FAM81A: variants seen among roughly 807,000 people sequenced by gnomAD.
FAM81A encodes protein FAM81A.
FAM81A carries 19 observed loss-of-function variants against 46.7 expected under a neutral mutation model. The observed-to-expected ratio is 0.41, with a 90% CI of 0.28 to 0.60. The LOEUF (loss-of-function observed/expected upper bound fraction) is 0.60. Among genes scored for constraint, FAM81A ranks in the 20% least tolerant of loss-of-function variants. The pLI is 0.34. For synonymous variants in FAM81A, 183 were observed against 152.9 expected (o/e 1.20, Z -1.45); for missense variants, 377 against 453.5 (o/e 0.83, Z 1.53).
chr15:59,469,969 T>G (rs2081664107), intron 3 of FAM81A, among the ~76,000 whole-genome samples: 1 of 152,190 alleles, frequency 6.6e-6, no homozygotes, highest in African/African-American at 2.4e-5. Context: ...TCTCCTTCCC[T>G]TATGAAGCTG....
intron 3 of FAM81A, among the ~76,000 whole-genome samples, chr15:59,467,519 T>C (rs2081629312): frequency 6.6e-6 from 1 of 152,200 alleles, no homozygotes; most frequent in African/African-American, 2.4e-5. Flanking sequence ...TGTCTGTTAA[T>C]GGTGTATAGG....
rs2081542984 is a variant in FAM81A, at chr15:59,460,846, A to G, written c.294+640A>G. 6.6e-6 allele frequency among the ~76,000 whole-genome samples: 1 copy of G among 152,228 alleles called. No individual in the cohort carries two copies. The highest frequency in any genetic ancestry group is 1.5e-5 in the Non-Finnish European group (1 of 68,038). On this transcript the variant is annotated intron_variant, in intron 3 of 8. Transcript: ENST00000288228. The surrounding 1 kb of genome is among the most constrained non-coding windows in gnomAD (Gnocchi z 4.4). ...GTTTCCCTCACTACGCAATGTTCAT[A>G]TCTTTCACATGTAATGACTGAATAT...
chr15:59,472,902 A>G (rs1010034814), intron 3 of FAM81A, among the ~76,000 whole-genome samples: 2 of 152,216 alleles, frequency 1.3e-5, no homozygotes, highest in African/African-American at 4.8e-5. Context: ...ATCTATATTA[A>G]GAATGATCTT....
upstream of FAM81A, among the ~76,000 whole-genome samples, chr15:59,436,566 T>A (rs1434231847): frequency 6.6e-6 from 1 of 152,168 alleles, no homozygotes; most frequent in Non-Finnish European, 1.5e-5. Flanking sequence ...TCTAGACTCT[T>A]GGTGATGGAC....
At chr15:59,435,898 A>G (rs1336321930), upstream of FAM81A, among the ~76,000 whole-genome samples, 2 of 152,222 alleles carry the variant, frequency 1.3e-5, no homozygotes, top group Admixed American at 1.3e-4. Context: ...AATTTAGCCT[A>G]CAAAAATAGG....
At chr15:59,495,629 T>G (rs2082025298) in intron 4 of FAM81A, among the ~76,000 whole-genome samples, 1 of 152,228 alleles carries the variant, frequency 6.6e-6, no homozygotes, top group Non-Finnish European at 1.5e-5. Context: ...CACTTTACAT[T>G]GCCCCCAGCA....
At chr15:59,473,324 G>A (rs774400841) in intron 3 of FAM81A, among the ~76,000 whole-genome samples, 2 of 152,044 alleles carry the variant, frequency 1.3e-5, no homozygotes, top group Non-Finnish European at 2.9e-5. Flanking sequence ...ACCCGGCCTG[G>A]GTGGGACGTG....
intron 2 of FAM81A, among the ~76,000 whole-genome samples, chr15:59,405,290 A>G (rs1445198311): frequency 1.3e-5 from 2 of 152,168 alleles, no homozygotes; most frequent in Admixed American, 1.3e-4. Flanking sequence ...AGGCCTGCCA[A>G]GAACAGAGTG....
At chr15:59,477,068 C>T (rs148989617) in intron 3 of FAM81A, among the ~76,000 whole-genome samples, 14,305 of 150,924 alleles carry the variant, frequency 0.095, 863 homozygotes, top group Admixed American at 0.19. Context: ...TACAGTCAGC[C>T]GAGATCGTGC....
intron 2 of FAM81A, among the ~76,000 whole-genome samples, chr15:59,420,613 G>C (rs551996277): frequency 6.6e-6 from 1 of 152,134 alleles, no homozygotes; most frequent in Non-Finnish European, 1.5e-5. Flanking sequence ...TGCTTTATAA[G>C]ATTTATTGTA....
In FAM81A at chr15:59,460,157, A is replaced by G; in HGVS notation, c.245A>G (p.His82Arg). ...DRLARLFLEE[H>R]IRNITAIVKQ... is the part of the protein sequence containing the mutation. ...TTGGCCAGGCTTTTCTTGGAGGAGC[A>G]TATCAGAAACATAACTGCCATAGTG... The change falls in exon 3 of 9, where the codon CAT becomes CGT. Residue 82 changes from histidine (H) to arginine (R), a missense_variant. By Grantham distance (29) the His-to-Arg change is conservative. Transcript: ENST00000288228. This position sits in a 1 kb window ranked among gnomAD's most constrained non-coding sequence, Gnocchi z 4.4. The G allele has an allele frequency of 3.7e-6, 6 of 1,614,090 alleles. No individual in the cohort carries two copies. Among genetic ancestry groups the G allele is most frequent in the East Asian group, 2.2e-5 (1 of 44,886 alleles).
intron 6 of FAM81A, among the ~76,000 whole-genome samples, chr15:59,510,933 A>G (rs1232101041): frequency 6.6e-6 from 1 of 152,006 alleles, no homozygotes; most frequent in Non-Finnish European, 1.5e-5. Flanking sequence ...AGATCACCTG[A>G]GGTCAGGAAT....
intron 3 of FAM81A, among the ~76,000 whole-genome samples, chr15:59,487,968 AC>A (rs1567065844): frequency 6.6e-6 from 1 of 152,156 alleles, no homozygotes; most frequent in East Asian, 1.9e-4. Context: ...CAACAAAAAA[AC>A]AAAAAACCTA....
At chr15:59,465,236 T>G (rs914300443) in intron 3 of FAM81A, among the ~76,000 whole-genome samples, 1 of 152,172 alleles carries the variant, frequency 6.6e-6, no homozygotes, top group Non-Finnish European at 1.5e-5. Context: ...TATTTTGAGG[T>G]CTGGTAGTGT....
intron 2 of FAM81A, among the ~76,000 whole-genome samples, chr15:59,412,953 G>A (rs1158542159): frequency 2.6e-5 from 4 of 152,126 alleles, no homozygotes; most frequent in Admixed American, 6.6e-5. Flanking sequence ...AAATTAAAAC[G>A]TAAGAAAAAC....
Position 59,514,274 on chromosome 15 carries a change from A to G in FAM81A, c.651-15A>G, listed in dbSNP as rs751170182. The G allele has an allele frequency of 2.6e-6, 3 of 1,143,952 alleles. No individual in the cohort carries two copies. The highest frequency in any genetic ancestry group is 3.6e-6 in the Non-Finnish European group (3 of 833,774). The allele number at this position is 1,143,952 out of a possible 1,614,324, so 70.9% of individuals were successfully genotyped here. A position where few individuals can be genotyped will look rare whatever the true frequency, so the allele number is the denominator to read the frequency against. ...TAAACTGTTTTACATCTAACTTGCA[A>G]TTTTTTTTTTTTAGATTTAAAGGTA... On this transcript the variant is annotated splice_polypyrimidine_tract_variant and intron_variant, in intron 6 of 8. Coordinates refer to ENST00000288228, the MANE Select transcript of FAM81A (RefSeq NM_152450.3).
chr15:59,468,575 TG>T (rs1316866808), intron 3 of FAM81A, among the ~76,000 whole-genome samples: 1 of 152,150 alleles, frequency 6.6e-6, no homozygotes, highest in East Asian at 1.9e-4. Flanking sequence ...CATTTTTTAT[TG>T]CATCTATTTG....
chr15:59,455,730 C>T (rs1009312888), intron 1 of FAM81A, among the ~76,000 whole-genome samples: 3 of 152,082 alleles, frequency 2.0e-5, no homozygotes, highest in African/African-American at 4.8e-5. Flanking sequence ...AAGCCATCTC[C>T]GATAATCAGT....
chr15:59,418,474 G>T (rs955559150), intron 2 of FAM81A, among the ~76,000 whole-genome samples: 1 of 152,186 alleles, frequency 6.6e-6, no homozygotes, highest in Non-Finnish European at 1.5e-5. Context: ...CTCCCCAAAA[G>T]TAGAGCAAGA....
Sources: allele counts gnomAD v4.1 joint callset (sites outside exome capture counted in the v4.1 genomes callset), GRCh38; gene constraint gnomAD v4.1.1; non-coding constraint Gnocchi (gnomAD v3.1); transcripts MANE v1.5; gene names NCBI Gene and HGNC (gene_info 2026-07-23, HGNC 2026-07-21).